Variants in PCDH15 observed in about 807,000 individuals in gnomAD.
The protein encoded by PCDH15 is protocadherin related 15, also known as protocadherin-15.
PCDH15 carries 129 observed loss-of-function variants against 178.5 expected under a neutral mutation model. The ratio of observed to expected loss-of-function variants is 0.72; its 90% confidence interval spans 0.63 to 0.84. The LOEUF is 0.84. PCDH15 is among the 40% of genes least tolerant of loss of function. The pLI, the probability that PCDH15 is intolerant of heterozygous loss-of-function variation, is 0.00. For synonymous variants in PCDH15, 800 were observed against 732.0 expected (o/e 1.09, Z -1.50); for missense variants, 2,230 against 2,099.9 (o/e 1.06, Z -1.21).
intron 8 of PCDH15, among the ~76,000 whole-genome samples, chr10:54,252,420 T>TA (rs1255673688): frequency 1.3e-5 from 2 of 152,194 alleles, no homozygotes; most frequent in Non-Finnish European, 2.9e-5. Flanking sequence ...CAAAGATTGA[T>TA]ACTTCGAGGC....
chr10:54,125,951 A>AT (rs1023832019), intron 15 of PCDH15, among the ~76,000 whole-genome samples: 2 of 152,086 alleles, frequency 1.3e-5, no homozygotes, highest in African/African-American at 2.4e-5. Context: ...TTTACATTTC[A>AT]TTTTTTTATT....
intron 2 of PCDH15, among the ~76,000 whole-genome samples, chr10:54,557,690 G>A (rs2087484485): frequency 6.6e-6 from 1 of 152,080 alleles, no homozygotes. Context: ...GGCCTGTCAG[G>A]ATGAAACATG....
intron 2 of PCDH15, among the ~76,000 whole-genome samples, chr10:54,541,062 C>T (rs557266120): frequency 1.5e-4 from 23 of 152,114 alleles, no homozygotes; most frequent in Admixed American, 7.2e-4. Flanking sequence ...AACTAAATGT[C>T]GCAAAAGCTG....
At chr10:55,334,331 G>A (rs1225939870) in intron 2 of PCDH15, among the ~76,000 whole-genome samples, 1 of 141,142 alleles carries the variant, frequency 7.1e-6, no homozygotes, top group Admixed American at 7.2e-5. Flanking sequence ...TTTTGAGACA[G>A]AGTTTCGCTC....
intron 15 of PCDH15, among the ~76,000 whole-genome samples, chr10:54,112,324 A>G (rs1420149020): frequency 1.3e-5 from 2 of 151,842 alleles, no homozygotes; most frequent in Non-Finnish European, 2.9e-5. Flanking sequence ...TCTGACCTCT[A>G]TCCCTTAGTT....
At chr10:55,503,671 A>T (rs1231512691) in intron 2 of PCDH15, among the ~76,000 whole-genome samples, 1 of 151,458 alleles carries the variant, frequency 6.6e-6, no homozygotes, top group Non-Finnish European at 1.5e-5. Context: ...TAAGCATATG[A>T]AAAGGTGCTC....
intron 7 of PCDH15, among the ~76,000 whole-genome samples, chr10:54,321,976 G>C (rs941164733): frequency 6.6e-6 from 1 of 151,822 alleles, no homozygotes; most frequent in Non-Finnish European, 1.5e-5. Context: ...CATAACTTGT[G>C]AGCCCATAAT....
chr10:55,122,933 T>A (rs1398826159), intron 2 of PCDH15, among the ~76,000 whole-genome samples: 1 of 152,078 alleles, frequency 6.6e-6, no homozygotes, highest in African/African-American at 2.4e-5. Context: ...AATGCAACAT[T>A]ACTTAAGGTA....
intron 28 of PCDH15, among the ~76,000 whole-genome samples, chr10:53,852,543 AATC>A (rs2078453675): frequency 6.6e-6 from 1 of 152,102 alleles, no homozygotes. Flanking sequence ...GGTGAGGAGT[AATC>A]ATTACAGCAG....
intron 3 of PCDH15, among the ~76,000 whole-genome samples, chr10:54,848,810 C>T (rs1028965643): frequency 1.3e-5 from 2 of 152,042 alleles, no homozygotes; most frequent in East Asian, 3.9e-4. Flanking sequence ...AAACCTGAGG[C>T]ATTAGGACTA....
At chr10:55,351,308 T>C (rs1844926604) in intron 2 of PCDH15, among the ~76,000 whole-genome samples, 1 of 152,036 alleles carries the variant, frequency 6.6e-6, no homozygotes, top group African/African-American at 2.4e-5. Context: ...TGAAATTGGC[T>C]TCAGAGGAAG....
chr10:54,343,664 G>C (rs923057788), intron 6 of PCDH15, among the ~76,000 whole-genome samples: 1 of 151,036 alleles, frequency 6.6e-6, no homozygotes, highest in African/African-American at 2.4e-5. Flanking sequence ...TGGGAGGGGA[G>C]AGGGACAGCA....
chr10:55,197,177 A>G (rs1445534119), intron 1 of PCDH15, among the ~76,000 whole-genome samples: 3 of 152,120 alleles, frequency 2.0e-5, no homozygotes, highest in Non-Finnish European at 4.4e-5. Flanking sequence ...CAAAACTCTT[A>G]TTTTCAAAAA....
intron 21 of PCDH15, among the ~76,000 whole-genome samples, chr10:53,986,422 A>G (rs1332142093): frequency 2.0e-5 from 3 of 152,206 alleles, no homozygotes; most frequent in Admixed American, 6.5e-5. Context: ...GGTTTCCTCA[A>G]AAAAATTACT....
chr10:54,150,457 T>C lies in PCDH15; in HGVS notation c.1784+2643A>G, dbSNP rs149036664. 6.0e-4 allele frequency among the ~76,000 whole-genome samples: 91 copies of C among 152,210 alleles called. No individual in the cohort carries two copies. In the East Asian group the frequency reaches 0.015, roughly 26 times the overall value. On this transcript the variant is annotated intron_variant, in intron 14 of 37. Transcript: ENST00000644397. ...CCTTTTTTTTTTGAACTAATATTAG[T>C]AAACTGTATCTTTTAGAAGAATCAT...
chr10:54,189,387 A>C (rs1429149708), intron 11 of PCDH15: 1 of 1,548,780 alleles, frequency 6.5e-7, no homozygotes, highest in Non-Finnish European at 8.7e-7. Flanking sequence ...GGTGGAACCT[A>C]TACGCAAATT....
chr10:55,528,430 A>C (rs372540212), intron 2 of PCDH15, among the ~76,000 whole-genome samples: 2 of 151,714 alleles, frequency 1.3e-5, no homozygotes, highest in Non-Finnish European at 2.9e-5. Context: ...CCTGTGTCCA[A>C]GTGTTCTCAT....
At chr10:55,204,939 T>A (rs1840354479) in intron 1 of PCDH15, among the ~76,000 whole-genome samples, 2 of 152,096 alleles carry the variant, frequency 1.3e-5, no homozygotes, top group South Asian at 4.1e-4. Flanking sequence ...ATTAAATCTA[T>A]TAAATAATTT....
chr10:54,921,791 A>C (rs1837495515), intron 2 of PCDH15, among the ~76,000 whole-genome samples: 1 of 152,146 alleles, frequency 6.6e-6, no homozygotes, highest in Non-Finnish European at 1.5e-5. Flanking sequence ...GTAATTTCTA[A>C]AGAAAATAGT....
Sources: gnomAD v4.1 joint callset for allele counts (sites outside exome capture counted in the v4.1 genomes callset) on GRCh38, gnomAD v4.1.1 for gene constraint, MANE v1.5 for transcripts, NCBI Gene and HGNC (gene_info 2026-07-23, HGNC 2026-07-21) for gene names.